The following TRMT9B variants were observed in gnomAD, a reference collection of about 807,000 sequenced individuals.
The protein encoded by TRMT9B is tRNA methyltransferase 9B (putative), also known as probable tRNA methyltransferase 9B.
A neutral mutation model predicts 11.5 loss-of-function variants in TRMT9B; 16 were observed. That is an observed-to-expected ratio of 1.39 (90% CI 0.94 to 2.11). The LOEUF (loss-of-function observed/expected upper bound fraction) is 2.11, where lower values mean the gene tolerates loss of function less well. Ranked by LOEUF, TRMT9B falls within the 30% of genes most tolerant of loss-of-function variation. The probability of loss-of-function intolerance (pLI) is 0.00; values close to 1 mark genes in which losing one functional copy is unlikely to be tolerated. For missense variants in TRMT9B, 941 were observed against 553.8 expected, an observed-to-expected ratio of 1.70 and a Z score of -7.02; for synonymous variants, 274 against 192.4, an observed-to-expected ratio of 1.42 and a Z score of -3.51.
At chr8:12,974,095 C>T (rs1804051676) in intron 1 of TRMT9B, among the ~76,000 whole-genome samples, 1 of 152,082 alleles carries the variant, frequency 6.6e-6, no homozygotes, top group Admixed American at 6.5e-5. Flanking sequence ...GGCTTGAGCC[C>T]AGGAATTCAA....
At chr8:12,984,075 A>C (rs928986670) in intron 1 of TRMT9B, among the ~76,000 whole-genome samples, 1 of 152,220 alleles carries the variant, frequency 6.6e-6, no homozygotes, top group African/African-American at 2.4e-5. Flanking sequence ...TGGCTGAGAT[A>C]GTGACGCCTT....
At chr8:12,999,305 AAAAAAAAAAAGAAAAG>A (rs1808948512) in intron 2 of TRMT9B, among the ~76,000 whole-genome samples, 2 of 148,248 alleles carry the variant, frequency 1.3e-5, no homozygotes, top group African/African-American at 5.2e-5. Context: ...TCTCAAAAAA[AAAAAAAAAAAGAAAAG>A]AAAAAAAAAA....
At position 12,991,614 on chromosome 8, in the gene TRMT9B, C is replaced by T. The variant is rs13282310; in HGVS notation, c.-2+583C>T. 2.3e-3 allele frequency among the ~76,000 whole-genome samples: 346 copies of T among 152,222 alleles called. 1 individual carries two copies. Among genetic ancestry groups the T allele is most frequent in the Non-Finnish European group, 3.3e-3 (225 of 68,018 alleles). On this transcript the variant is annotated intron_variant, in intron 2 of 4. Coordinates refer to ENST00000524591, the MANE Select transcript of TRMT9B (RefSeq NM_020844.3). ...TTTCTTTTTAGTTATGAAAAAGTGA[C>T]CATCGTATGCCTAGATTGTACCTAT...
At chr8:12,980,920 G>A (rs1306231948) in intron 1 of TRMT9B, among the ~76,000 whole-genome samples, 1 of 152,158 alleles carries the variant, frequency 6.6e-6, no homozygotes, top group Non-Finnish European at 1.5e-5. Flanking sequence ...AAGTCACTAT[G>A]CGAATTCTTT....
chr8:12,963,401 C>G (rs931064592), intron 1 of TRMT9B, among the ~76,000 whole-genome samples: 4 of 152,112 alleles, frequency 2.6e-5, no homozygotes, highest in African/African-American at 9.7e-5. Context: ...CCACTGCACT[C>G]CAGCCTGGGA....
intron 4 of TRMT9B, 24 bp from the exon 5 acceptor site, chr8:13,020,984 G>A: frequency 1.4e-6 from 2 of 1,473,804 alleles, no homozygotes; most frequent in Non-Finnish European, 1.8e-6. Flanking sequence ...CATACACACT[G>A]AGATCTAGTT....
chr8:13,001,051 TC>T (rs1006681304), intron 2 of TRMT9B, among the ~76,000 whole-genome samples: 23 of 152,270 alleles, frequency 1.5e-4, no homozygotes, highest in Admixed American at 1.5e-3. Flanking sequence ...TTTCTGCCTT[TC>T]CCCCCACCAT....
chr8:13,016,446 G>A (rs1812723983), intron 4 of TRMT9B, among the ~76,000 whole-genome samples: 2 of 149,334 alleles, frequency 1.3e-5, no homozygotes, highest in Admixed American at 1.3e-4. Flanking sequence ...TCAATAGACT[G>A]TCTCTCTTAT....
intron 1 of TRMT9B, among the ~76,000 whole-genome samples, chr8:12,968,492 TA>T (rs1418859870): frequency 1.3e-5 from 2 of 152,336 alleles, no homozygotes; most frequent in African/African-American, 2.4e-5. Flanking sequence ...TAGTTTTAAA[TA>T]AATTACCAAA....
At chr8:12,993,476 C>T (rs960252748) in intron 2 of TRMT9B, among the ~76,000 whole-genome samples, 2 of 152,130 alleles carry the variant, frequency 1.3e-5, no homozygotes, top group African/African-American at 4.8e-5. Flanking sequence ...GGTTGTGTTG[C>T]CAACTCCCAT....
At chr8:13,008,918 C>T (rs1173445766) in intron 3 of TRMT9B, among the ~76,000 whole-genome samples, 1 of 152,060 alleles carries the variant, frequency 6.6e-6, no homozygotes, top group African/African-American at 2.4e-5. Context: ...TTAGTAGAGA[C>T]GGAGTTTCAC....
intron 1 of TRMT9B, among the ~76,000 whole-genome samples, chr8:12,966,394 G>A (rs563234014): frequency 2.9e-4 from 44 of 152,142 alleles, no homozygotes; most frequent in African/African-American, 1.0e-3. Context: ...ATACTTTGTC[G>A]TCTTTATTGA....
At chr8:13,013,819 A>T (rs904582233) in intron 4 of TRMT9B, among the ~76,000 whole-genome samples, 1 of 152,002 alleles carries the variant, frequency 6.6e-6, no homozygotes, top group Non-Finnish European at 1.5e-5. Context: ...GCATGGTACA[A>T]GCGCCTGTAG....
intron 1 of TRMT9B, among the ~76,000 whole-genome samples, chr8:12,967,718 G>A (rs1414519915): frequency 6.6e-6 from 1 of 152,142 alleles, no homozygotes; most frequent in African/African-American, 2.4e-5. Context: ...AAAATGTCAG[G>A]AGAGTATTAA....
chr8:12,985,606 T>C (rs563350137), intron 1 of TRMT9B, among the ~76,000 whole-genome samples: 22 of 152,274 alleles, frequency 1.4e-4, no homozygotes, highest in African/African-American at 5.3e-4. Context: ...GGACCACCCA[T>C]CTTTGTTTGT....
chr8:12,990,886 G>T lies in TRMT9B; in HGVS notation c.-147G>T. The T allele has an allele frequency of 1.6e-6, 2 of 1,289,480 alleles. No individual in the cohort carries two copies. The highest frequency in any genetic ancestry group is 1.0e-6 in the Non-Finnish European group (1 of 988,580). 79.9% of individuals were successfully genotyped at this position (1,289,480 alleles called of 1,614,324 possible). Reference sequence around the variant, plus strand: ...CAAGAGGTTTATCATGAGAAGGACCGCACTATTTCATTTCACTCCTACAAG... The same window carrying T: ...CAAGAGGTTTATCATGAGAAGGACCTCACTATTTCATTTCACTCCTACAAG... On this transcript the variant is annotated 5_prime_UTR_variant, in exon 2 of 5. Transcript: ENST00000524591.
intron 3 of TRMT9B, chr8:13,011,945 T>G: frequency 1.0e-6 from 1 of 985,362 alleles, no homozygotes; most frequent in Non-Finnish European, 1.2e-6. Context: ...TGTTTTGCAG[T>G]CAGCAAGTGG....
intron 1 of TRMT9B, among the ~76,000 whole-genome samples, chr8:12,975,153 G>C (rs1804244528): frequency 6.6e-6 from 1 of 151,914 alleles, no homozygotes. Context: ...TTCCATGTAC[G>C]GCTAGGAGGG....
At chr8:13,004,302 G>C (rs371960374) in intron 2 of TRMT9B, among the ~76,000 whole-genome samples, 1 of 151,938 alleles carries the variant, frequency 6.6e-6, no homozygotes, top group African/African-American at 2.4e-5. Flanking sequence ...ACCAGGTGGG[G>C]AGGAGGGAAC....
Sources: gnomAD v4.1 joint callset for allele counts (sites outside exome capture counted in the v4.1 genomes callset) on GRCh38, gnomAD v4.1.1 for gene constraint, MANE v1.5 for transcripts, NCBI Gene and HGNC (gene_info 2026-07-23, HGNC 2026-07-21) for gene names.